STRIP2: variants seen among roughly 807,000 people sequenced by gnomAD.
STRIP2 encodes the protein striatin-interacting protein 2.
Under a neutral mutation model 107.1 loss-of-function variants are expected in STRIP2, and 84 were observed. The observed-to-expected ratio is 0.78, with a 90% CI of 0.66 to 0.94. The LOEUF (loss-of-function observed/expected upper bound fraction) is 0.94. STRIP2 is among the 40% of genes least tolerant of loss of function. The pLI, the probability that STRIP2 is intolerant of heterozygous loss-of-function variation, is 0.00. For synonymous variants in STRIP2, 394 were observed against 400.4 expected (o/e 0.98, Z 0.19); for missense variants, 888 against 1,034.2 (o/e 0.86, Z 1.94).
intron 1 of STRIP2, among the ~76,000 whole-genome samples, chr7:129,435,241 A>G (rs1669859338): frequency 1.3e-5 from 2 of 152,238 alleles, no homozygotes; most frequent in Admixed American, 1.3e-4. Flanking sequence ...GAGCAGTCGC[A>G]GGATACAGAT....
Position 129,444,031 on chromosome 7 carries a change from T to C in STRIP2, c.207T>C (p.Tyr69=), listed in dbSNP as rs762568563. 1.2e-6 allele frequency: 2 copies of C among 1,613,244 alleles called. No homozygotes were observed. Among genetic ancestry groups the C allele is most frequent in the Non-Finnish European group, 1.7e-6 (2 of 1,179,274 alleles). The change falls in exon 3 of 21, where the codon TAT becomes TAC. Residue 69 remains tyrosine, a synonymous_variant. Coordinates refer to ENST00000249344, the MANE Select transcript of STRIP2 (RefSeq NM_020704.3). ...CTGTCTTTCCTGCCACAGAATTGTATAGTTACACTGAGAACCTGGAATTCA... is the reference window on the plus strand; with the variant it reads ...CTGTCTTTCCTGCCACAGAATTGTACAGTTACACTGAGAACCTGGAATTCA... ...DGHAAELSEL[Y]SYTENLEFTN... is the part of the protein sequence containing the mutation.
chr7:129,446,676 T>G (rs1798044673), intron 3 of STRIP2, among the ~76,000 whole-genome samples: 1 of 152,132 alleles, frequency 6.6e-6, no homozygotes. Context: ...GAGCTCCCCA[T>G]GAGGCCATCA....
At chr7:129,480,194 G>T (rs1423938927) in intron 18 of STRIP2, among the ~76,000 whole-genome samples, 1 of 152,144 alleles carries the variant, frequency 6.6e-6, no homozygotes, top group African/African-American at 2.4e-5. Context: ...TCCATCTGTT[G>T]TCTCTGGTTA....
In STRIP2 at chr7:129,447,886, G is replaced by A. The variant is rs569701973; in HGVS notation, c.275-3727G>A. On this transcript the variant is annotated intron_variant, in intron 3 of 20. Coordinates refer to ENST00000249344, the MANE Select transcript of STRIP2 (RefSeq NM_020704.3). The stretch of plus-strand genomic sequence containing the variant: ...TCTGTCTTCTGCACAGGTCAAATGC[G>A]AGAGTTGAACAGGGTTGTGGTGGGA... Among the ~76,000 whole-genome samples, 6 of 152,322 alleles carry A rather than the reference G, an allele frequency of 3.9e-5. No individual in the cohort carries two copies. The East Asian group carries it at 7.7e-4, about 20-fold the overall frequency.
intron 20 of STRIP2, among the ~76,000 whole-genome samples, chr7:129,484,196 C>T (rs1799192107): frequency 6.6e-6 from 1 of 152,172 alleles, no homozygotes; most frequent in Non-Finnish European, 1.5e-5. Flanking sequence ...TACCTGTAAA[C>T]TTGAAGTTAA....
At chr7:129,466,696 A>G (rs1305655327) in intron 16 of STRIP2, among the ~76,000 whole-genome samples, 1 of 152,210 alleles carries the variant, frequency 6.6e-6, no homozygotes, top group African/African-American at 2.4e-5. Flanking sequence ...ACATTCTGGT[A>G]TTAAGCCTAT....
rs1332463287 is a variant in STRIP2, at chr7:129,488,189, A to AAGTT, written c.*2362_*2365dup. The AAGTT allele has an allele frequency of 6.6e-6, 1 of 152,400 alleles. No individual in the cohort carries two copies. The highest frequency in any genetic ancestry group is 1.5e-5 in the Non-Finnish European group (1 of 68,006). The allele number at this position is 152,400 out of a possible 1,614,324, so 9.4% of individuals were successfully genotyped here. On this transcript the variant is annotated 3_prime_UTR_variant, in exon 21 of 21. Coordinates refer to ENST00000249344, the MANE Select transcript of STRIP2 (RefSeq NM_020704.3). ...CTCAAAAACAAAGAAGGATATAATA[A>AAGTT]AGTTAATATATAAACCATGTATGTG...
In STRIP2 at chr7:129,482,781, C is replaced by G. The variant is rs1584975701; in HGVS notation, c.2050-61C>G. On this transcript the variant is annotated intron_variant, in intron 19 of 20. Transcript: ENST00000249344. ...GCTAGCTAGGTTTGGTTTAATTTGT[C>G]TGTAAACTGGAAATTCCAAGAAACG... 9 of 1,594,598 alleles carry G rather than the reference C, an allele frequency of 5.6e-6. No individual in the cohort carries two copies. In the East Asian group the frequency reaches 1.3e-4, roughly 24 times the overall value.
chr7:129,457,903 C>T (rs1361789462), intron 9 of STRIP2, among the ~76,000 whole-genome samples: 2 of 152,166 alleles, frequency 1.3e-5, no homozygotes, highest in Admixed American at 6.5e-5. Flanking sequence ...TTCACCTAAG[C>T]AGAGCATAAT....
At chr7:129,479,508 A>G (rs1486725362) in intron 18 of STRIP2, among the ~76,000 whole-genome samples, 3 of 131,244 alleles carry the variant, frequency 2.3e-5, no homozygotes, top group African/African-American at 8.3e-5. Flanking sequence ...TTTTTTTTTG[A>G]GATGGAGTTT....
rs566761555 is a variant in STRIP2, at chr7:129,473,698, TTTTA to T, written c.1944+2991_1944+2994del. Among the ~76,000 whole-genome samples the T allele has an allele frequency of 1.2e-4, 18 of 151,954 alleles. No homozygotes were observed. The South Asian group carries it at 3.5e-3, about 30-fold the overall frequency. ...GACATAATTTTAATTTCTTTAAATT[TTTTA>T]TTTATTTTTTATTTTTATTTATTTA... On this transcript the variant is annotated intron_variant, in intron 18 of 20. Coordinates refer to ENST00000249344, the MANE Select transcript of STRIP2 (RefSeq NM_020704.3).
rs758750963 is a variant in STRIP2, at chr7:129,453,342, A to C, written c.525A>C (p.Glu175Asp). ...CCTTCCTGGAGCTACTCCACATGGA[A>C]ATTGAGTGAGAAGCCTTAGGGGAAG... ...FSTFLELLHM[E>D]IDNSQACSSA... The change falls in exon 5 of 21, where the codon GAA becomes GAC. Residue 175 changes from glutamate (E) to aspartate (D), a missense_variant. Transcript: ENST00000249344. The C allele has an allele frequency of 2.9e-5, 46 of 1,613,966 alleles. No homozygotes were observed. The highest frequency in any genetic ancestry group is 3.9e-5 in the Non-Finnish European group (46 of 1,179,988).
intron 3 of STRIP2, among the ~76,000 whole-genome samples, chr7:129,447,220 G>T (rs1562897036): frequency 6.6e-6 from 1 of 152,148 alleles, no homozygotes. Context: ...ACTGGGTGGG[G>T]TCCAGATAAA....
chr7:129,439,478 G>A (rs990862853), intron 1 of STRIP2, among the ~76,000 whole-genome samples: 2 of 152,178 alleles, frequency 1.3e-5, no homozygotes, highest in African/African-American at 2.4e-5. Flanking sequence ...TACATACAAC[G>A]TCATGGGAAA....
chr7:129,434,660 G>A (rs1797681510), intron 1 of STRIP2, 59 bp downstream of exon 1: 3 of 1,418,722 alleles, frequency 2.1e-6, no homozygotes, highest in Admixed American at 2.9e-5. Flanking sequence ...GGGAAGCGGC[G>A]GCTGAGGTGA....
At chr7:129,484,832 C>G (rs887972245) in intron 20 of STRIP2, among the ~76,000 whole-genome samples, 1 of 152,164 alleles carries the variant, frequency 6.6e-6, no homozygotes, top group African/African-American at 2.4e-5. Flanking sequence ...CCATTATGAG[C>G]CCAAACTCAC....
chr7:129,449,947 C>T (rs961364763), intron 3 of STRIP2, among the ~76,000 whole-genome samples: 2 of 152,154 alleles, frequency 1.3e-5, no homozygotes, highest in African/African-American at 4.8e-5. Flanking sequence ...AACCAGCTTC[C>T]TTATGTTCCT....
At chr7:129,437,376 C>T (rs1435872451) in intron 1 of STRIP2, among the ~76,000 whole-genome samples, 2 of 151,666 alleles carry the variant, frequency 1.3e-5, no homozygotes, top group Non-Finnish European at 2.9e-5. Context: ...AGGTTGAGGC[C>T]GCAGTGAGCT....
intron 9 of STRIP2, among the ~76,000 whole-genome samples, chr7:129,457,442 T>G (rs1798396375): frequency 6.6e-6 from 1 of 152,216 alleles, no homozygotes; most frequent in African/African-American, 2.4e-5. Flanking sequence ...TGAAGCATCG[T>G]TGTGCAGCAC....
Sources: gnomAD v4.1 joint callset for allele counts (sites outside exome capture counted in the v4.1 genomes callset) on GRCh38, gnomAD v4.1.1 for gene constraint, MANE v1.5 for transcripts, NCBI Gene and HGNC (gene_info 2026-07-23, HGNC 2026-07-21) for gene names.